The following NCOA2 variants were observed in gnomAD, a reference collection of about 807,000 sequenced individuals.
The protein encoded by NCOA2 is nuclear receptor coactivator 2, also known as class E basic helix-loop-helix protein 75.
Under a neutral mutation model 145.1 loss-of-function variants are expected in NCOA2, and 21 were observed. The observed-to-expected ratio is 0.14, with a 90% CI of 0.10 to 0.21. NCOA2 has a LOEUF of 0.21. Among genes scored for constraint, NCOA2 ranks in the 10% least tolerant of loss-of-function variants. NCOA2 has a pLI of 1.00. For synonymous variants in NCOA2, 619 were observed against 637.5 expected, an observed-to-expected ratio of 0.97 and a Z score of 0.44; for missense variants, 1,472 against 1,837.6, an observed-to-expected ratio of 0.80 and a Z score of 3.64.
intron 2 of NCOA2, among the ~76,000 whole-genome samples, chr8:70,257,813 T>TCCTA (rs2134948338): frequency 6.6e-6 from 1 of 151,746 alleles, no homozygotes; most frequent in South Asian, 2.1e-4. Flanking sequence ...GCTTCTCCCT[T>TCCTA]CCTACCTCCC....
chr8:70,429,425 C>A, the NCOA2 span, among the ~76,000 whole-genome samples: 1 of 152,172 alleles, frequency 6.6e-6, no homozygotes, highest in Non-Finnish European at 1.5e-5. Flanking sequence ...TGTTGTAATT[C>A]CCCTTAATGT....
intron 2 of NCOA2, among the ~76,000 whole-genome samples, chr8:70,257,392 T>C (rs1401621634): frequency 6.6e-6 from 1 of 152,212 alleles, no homozygotes; most frequent in Non-Finnish European, 1.5e-5. Flanking sequence ...TTCTAGGCAC[T>C]GCATATAGCA....
chr8:70,127,082 G>A (rs749554027), intron 18 of NCOA2, 35 bp from the exon 19 acceptor site: 40 of 1,455,732 alleles, frequency 2.7e-5, no homozygotes, highest in South Asian at 3.6e-5. Context: ...GGAAAATGTC[G>A]GGGACAGACA....
At chr8:70,358,552 C>T (rs1809942380) in intron 1 of NCOA2, among the ~76,000 whole-genome samples, 1 of 152,034 alleles carries the variant, frequency 6.6e-6, no homozygotes, top group Non-Finnish European at 1.5e-5. Context: ...AACAGCATAT[C>T]CACATACAAA....
chr8:70,350,964 C>G (rs1809123154), intron 1 of NCOA2, among the ~76,000 whole-genome samples: 1 of 152,216 alleles, frequency 6.6e-6, no homozygotes, highest in South Asian at 2.1e-4. Context: ...TATCAAGATG[C>G]TTGGCAACTG....
rs572351471 is a variant in NCOA2, at chr8:70,112,170, A to C, written c.*1462T>G. On this transcript the variant is annotated 3_prime_UTR_variant, in exon 23 of 23. Transcript: ENST00000452400. ...ATATAGATTAGATAAATGACTTATA[A>C]GCAGAATCACAAGGTTTAGAAAATA... is the stretch of plus-strand genomic sequence containing the variant. 4 of 204,488 alleles carry C rather than the reference A, an allele frequency of 2.0e-5. No individual in the cohort carries two copies. In the East Asian group the frequency reaches 3.0e-4, roughly 15 times the overall value. 12.7% of individuals were successfully genotyped at this position (204,488 alleles called of 1,614,324 possible).
In NCOA2 at chr8:70,109,954, C is replaced by T. The variant is rs533300116; in HGVS notation, c.*3678G>A. 1 of 191,110 alleles carries T rather than the reference C, an allele frequency of 5.2e-6. No individual in the cohort carries two copies. Among genetic ancestry groups the T allele is most frequent in the East Asian group, 8.3e-5 (1 of 12,060 alleles). 11.8% of individuals were successfully genotyped at this position (191,110 alleles called of 1,614,324 possible). A position where few individuals can be genotyped will look rare whatever the true frequency, so the allele number is the denominator to read the frequency against. ...TATCTACCTTTGCATAAACTGCTCA[C>T]ACTAGAAATACAAACATCAATGCAG... On this transcript the variant is annotated 3_prime_UTR_variant, in exon 23 of 23. Coordinates refer to ENST00000452400, the MANE Select transcript of NCOA2 (RefSeq NM_006540.4).
intron 4 of NCOA2, among the ~76,000 whole-genome samples, chr8:70,213,423 T>C (rs1819260767): frequency 6.6e-6 from 1 of 152,218 alleles, no homozygotes; most frequent in African/African-American, 2.4e-5. Context: ...GTTAGAGACT[T>C]TCAAATCTCT....
chr8:70,375,556 T>G (rs1263057957), intron 1 of NCOA2, among the ~76,000 whole-genome samples: 14 of 152,184 alleles, frequency 9.2e-5, no homozygotes, highest in Admixed American at 8.5e-4. Context: ...AGGCTGTATT[T>G]CAACACATTT....
intron 1 of NCOA2, among the ~76,000 whole-genome samples, chr8:70,330,932 G>A (rs1807041927): frequency 6.6e-6 from 1 of 152,018 alleles, no homozygotes. Context: ...AAATAGATAA[G>A]GAATTAATAT....
At chr8:70,173,350 CAT>C (rs759102055) in intron 5 of NCOA2, among the ~76,000 whole-genome samples, 1 of 152,032 alleles carries the variant, frequency 6.6e-6, no homozygotes, top group Non-Finnish European at 1.5e-5. Context: ...TGAATAAACA[CAT>C]GTATAGGGAA....
chr8:70,365,585 T>A (rs1410799961), intron 1 of NCOA2, among the ~76,000 whole-genome samples: 1 of 152,234 alleles, frequency 6.6e-6, no homozygotes, highest in East Asian at 1.9e-4. Flanking sequence ...CAGGAGAAAA[T>A]ACTCCCATCT....
At chr8:70,373,009 C>T (rs953753813) in intron 1 of NCOA2, among the ~76,000 whole-genome samples, 2 of 152,156 alleles carry the variant, frequency 1.3e-5, no homozygotes, top group African/African-American at 4.8e-5. Flanking sequence ...CAACCATTTA[C>T]TCTACCCATG....
intron 2 of NCOA2, among the ~76,000 whole-genome samples, chr8:70,293,996 C>A (rs1826897298): frequency 1.3e-5 from 2 of 152,188 alleles, no homozygotes; most frequent in African/African-American, 2.4e-5. Flanking sequence ...ATTTTCAAAT[C>A]AAAATCTTAA....
chr8:70,234,014 C>T (rs143910068), intron 2 of NCOA2, among the ~76,000 whole-genome samples: 2 of 152,080 alleles, frequency 1.3e-5, no homozygotes, highest in African/African-American at 4.8e-5. Flanking sequence ...ACAATTAATC[C>T]CCATTCTCTC....
the NCOA2 span, among the ~76,000 whole-genome samples, chr8:70,445,631 A>G: frequency 6.6e-6 from 1 of 152,322 alleles, no homozygotes; most frequent in East Asian, 1.9e-4. Context: ...ACTCATTATA[A>G]TATCTGGTAT....
At chr8:70,167,858 T>C (rs1293111835) in intron 6 of NCOA2, among the ~76,000 whole-genome samples, 3 of 152,248 alleles carry the variant, frequency 2.0e-5, no homozygotes, top group Non-Finnish European at 4.4e-5. Context: ...TTATGGATTT[T>C]ACCAGGTTAA....
chr8:70,267,424 G>A (rs1404325963), intron 2 of NCOA2, among the ~76,000 whole-genome samples: 2 of 145,684 alleles, frequency 1.4e-5, no homozygotes, highest in Non-Finnish European at 3.0e-5. Flanking sequence ...CTTTGAGATA[G>A]GGCCTCGCTC....
intron 1 of NCOA2, among the ~76,000 whole-genome samples, chr8:70,360,052 A>G (rs1287519739): frequency 3.3e-5 from 5 of 152,208 alleles, no homozygotes; most frequent in Admixed American, 6.5e-5. Flanking sequence ...TTTTGAGGTT[A>G]TCCCTACTCT....
Sources: gnomAD v4.1 joint callset for allele counts (sites outside exome capture counted in the v4.1 genomes callset) on GRCh38, gnomAD v4.1.1 for gene constraint, MANE v1.5 for transcripts, NCBI Gene and HGNC (gene_info 2026-07-23, HGNC 2026-07-21) for gene names.